WDR72: variants seen among roughly 807,000 people sequenced by gnomAD.
WDR72 encodes the protein WD repeat domain 72.
WDR72 carries 120 observed loss-of-function variants against 124.2 expected under a neutral mutation model. That is an observed-to-expected ratio of 0.97 (90% CI 0.83 to 1.12). The LOEUF (loss-of-function observed/expected upper bound fraction) is 1.12. Among genes scored for constraint, WDR72 ranks in the 50% most tolerant of loss-of-function variants. WDR72 has a pLI of 0.00. For missense variants in WDR72, 1,387 were observed against 1,278.8 expected (o/e 1.08, Z -1.29); for synonymous variants, 452 against 441.7 (o/e 1.02, Z -0.29).
chr15:53,559,918 G>C (rs1894069107), intron 18 of WDR72, among the ~76,000 whole-genome samples: 1 of 151,918 alleles, frequency 6.6e-6, no homozygotes, highest in Admixed American at 6.6e-5. Context: ...AAATATAAAT[G>C]ATAAGCCTAT....
At chr15:53,628,714 A>G (rs1425463575) in intron 14 of WDR72, among the ~76,000 whole-genome samples, 1 of 152,232 alleles carries the variant, frequency 6.6e-6, no homozygotes, top group Non-Finnish European at 1.5e-5. Context: ...AACAAATTCT[A>G]AATATTTTGA....
chr15:53,583,315 C>A (rs994859626), intron 18 of WDR72, among the ~76,000 whole-genome samples: 1 of 152,038 alleles, frequency 6.6e-6, no homozygotes, highest in African/African-American at 2.4e-5. Context: ...GCATGCTAAT[C>A]ATTTGAAAAT....
intron 14 of WDR72, among the ~76,000 whole-genome samples, chr15:53,663,498 T>G (rs140373709): frequency 7.2e-5 from 11 of 152,298 alleles, no homozygotes; most frequent in African/African-American, 2.2e-4. Context: ...AATCTATATA[T>G]ATTATTACCA....
chr15:53,581,816 T>C (rs2011944201), intron 18 of WDR72, among the ~76,000 whole-genome samples: 1 of 152,094 alleles, frequency 6.6e-6, no homozygotes, highest in South Asian at 2.1e-4. Context: ...GTACTTTATA[T>C]TAGAAAAATT....
intron 18 of WDR72, among the ~76,000 whole-genome samples, chr15:53,594,072 G>C (rs966130188): frequency 1.3e-5 from 2 of 151,880 alleles, no homozygotes; most frequent in Non-Finnish European, 2.9e-5. Context: ...CAGAATTAAA[G>C]GAAATGGTGA....
chr15:53,668,996 A>AGGGGAAGGG (rs781054932), intron 13 of WDR72, among the ~76,000 whole-genome samples: 1 of 105,068 alleles, frequency 9.5e-6, no homozygotes, highest in African/African-American at 3.1e-5. Flanking sequence ...AAGGAGGAGG[A>AGGGGAAGGG]GAAGGAGAAG....
At chr15:53,546,727 A>G (rs887647184) in intron 18 of WDR72, among the ~76,000 whole-genome samples, 2 of 108,328 alleles carry the variant, frequency 1.8e-5, no homozygotes, top group African/African-American at 5.5e-5. Context: ...TAATCAATAA[A>G]ACAAACAAAC....
intron 18 of WDR72, among the ~76,000 whole-genome samples, chr15:53,523,609 G>A (rs771023540): frequency 2.1e-4 from 32 of 152,050 alleles, no homozygotes; most frequent in African/African-American, 7.0e-4. Flanking sequence ...AGTAGAAATC[G>A]TATTTTTAAT....
At chr15:53,760,922 G>C (rs1168441776), upstream of WDR72, among the ~76,000 whole-genome samples, 1 of 151,996 alleles carries the variant, frequency 6.6e-6, no homozygotes, top group Non-Finnish European at 1.5e-5. Context: ...TCAGGAGTTC[G>C]AGACCAGCCT....
chr15:53,596,689 T>C (rs1184870713), intron 18 of WDR72, among the ~76,000 whole-genome samples: 3 of 152,168 alleles, frequency 2.0e-5, no homozygotes, highest in Non-Finnish European at 4.4e-5. Context: ...TTCTAGCAAA[T>C]ATTTATGATT....
chr15:53,650,379 A>T (rs910593422), intron 14 of WDR72, among the ~76,000 whole-genome samples: 2 of 152,212 alleles, frequency 1.3e-5, no homozygotes, highest in African/African-American at 4.8e-5. Context: ...GCAATAACGT[A>T]CTATACACTT....
At chr15:53,613,946 CTTAT>C (rs35789605) in intron 15 of WDR72, among the ~76,000 whole-genome samples, 189 bp from the exon 16 acceptor site, 1 of 151,126 alleles carries the variant, frequency 6.6e-6, no homozygotes, top group East Asian at 1.9e-4. Context: ...CACCTAAAAT[CTTAT>C]TTATTTATTT....
intron 18 of WDR72, among the ~76,000 whole-genome samples, chr15:53,534,397 A>T (rs911139417): frequency 2.6e-5 from 4 of 152,166 alleles, no homozygotes; most frequent in Non-Finnish European, 4.4e-5. Context: ...GTTGCAAAAG[A>T]TTACACCTTC....
At chr15:53,749,857 G>A (rs959269667) in intron 1 of WDR72, among the ~76,000 whole-genome samples, 6 of 152,100 alleles carry the variant, frequency 3.9e-5, no homozygotes, top group Admixed American at 6.6e-5. Context: ...ACACTAATCC[G>A]GAGCAGCACT....
At chr15:53,549,539 A>T (rs994119257) in intron 18 of WDR72, among the ~76,000 whole-genome samples, 1 of 152,182 alleles carries the variant, frequency 6.6e-6, no homozygotes, top group Non-Finnish European at 1.5e-5. Flanking sequence ...TGCCCTTTTC[A>T]CACACATAAT....
intron 14 of WDR72, among the ~76,000 whole-genome samples, chr15:53,623,415 A>G (rs529038280): frequency 6.6e-6 from 1 of 152,250 alleles, no homozygotes; most frequent in South Asian, 2.1e-4. Context: ...AATGACCTCC[A>G]GCTGCATCCA....
intron 13 of WDR72, among the ~76,000 whole-genome samples, chr15:53,682,446 A>G (rs552068044): frequency 6.6e-6 from 1 of 152,268 alleles, no homozygotes; most frequent in South Asian, 2.1e-4. Context: ...GTGATGCAGT[A>G]TTAATTGTTT....
At chr15:53,546,180 C>G (rs1024550256) in intron 18 of WDR72, among the ~76,000 whole-genome samples, 40 of 146,730 alleles carry the variant, frequency 2.7e-4, no homozygotes, top group Non-Finnish European at 1.2e-4. Flanking sequence ...ACCCAAAGGA[C>G]TATAAATCAT....
At chr15:53,612,384 C>T (rs2013577902) in intron 16 of WDR72, among the ~76,000 whole-genome samples, 1 of 151,986 alleles carries the variant, frequency 6.6e-6, no homozygotes, top group South Asian at 2.1e-4. Context: ...GAGAACAGTA[C>T]AACAGCGAAA....
Sources: gnomAD v4.1 joint callset for allele counts (sites outside exome capture counted in the v4.1 genomes callset) on GRCh38, gnomAD v4.1.1 for gene constraint, MANE v1.5 for transcripts, NCBI Gene and HGNC (gene_info 2026-07-23, HGNC 2026-07-21) for gene names.